The following RBMS1 variants were observed in gnomAD, a reference collection of about 807,000 sequenced individuals.
RBMS1 encodes RNA-binding motif, single-stranded-interacting protein 1.
A neutral mutation model predicts 62.3 loss-of-function variants in RBMS1; 17 were observed. The ratio of observed to expected loss-of-function variants is 0.27; its 90% confidence interval spans 0.19 to 0.41. The LOEUF (loss-of-function observed/expected upper bound fraction) is 0.41. RBMS1 is among the 10% of genes least tolerant of loss of function. The probability of loss-of-function intolerance (pLI) is 1.00; values close to 1 mark genes in which losing one functional copy is unlikely to be tolerated. For synonymous variants in RBMS1, 172 were observed against 170.0 expected (o/e 1.01, Z -0.09); for missense variants, 334 against 504.5 (o/e 0.66, Z 3.24).
At chr2:160,420,657 A>G (rs961901347) in intron 1 of RBMS1, among the ~76,000 whole-genome samples, 3 of 152,164 alleles carry the variant, frequency 2.0e-5, no homozygotes, top group Non-Finnish European at 4.4e-5. Flanking sequence ...AGCTCACCTG[A>G]GGATTATGAT....
At chr2:160,345,204 G>C (rs573983498) in intron 2 of RBMS1, among the ~76,000 whole-genome samples, 99 of 152,090 alleles carry the variant, frequency 6.5e-4, no homozygotes, top group Non-Finnish European at 1.2e-3. Context: ...CTAGAGACTA[G>C]TAGACAGAAA....
chr2:160,276,371 A>C (rs80215331), intron 12 of RBMS1, among the ~76,000 whole-genome samples: 1,713 of 148,032 alleles, frequency 0.012, 43 homozygotes, highest in African/African-American at 0.042. Flanking sequence ...ACCACCACCA[A>C]CACCTACTAC....
intron 6 of RBMS1, among the ~76,000 whole-genome samples, chr2:160,293,556 A>T (rs1030683294): frequency 6.6e-6 from 1 of 152,232 alleles, no homozygotes; most frequent in Non-Finnish European, 1.5e-5. Context: ...CCCTGCCCTT[A>T]GCACACAGGG....
At chr2:160,351,190 G>T (rs536426012) in intron 2 of RBMS1, among the ~76,000 whole-genome samples, 2 of 151,020 alleles carry the variant, frequency 1.3e-5, no homozygotes, top group South Asian at 2.1e-4. Context: ...GTAGGGGGAG[G>T]GGGGAGGGAA....
intron 1 of RBMS1, among the ~76,000 whole-genome samples, chr2:160,435,436 C>T (rs190631076): frequency 7.9e-5 from 12 of 152,284 alleles, no homozygotes; most frequent in Admixed American, 2.6e-4. Context: ...AAAGGTGACC[C>T]GAACATCAGT....
intron 6 of RBMS1, among the ~76,000 whole-genome samples, chr2:160,298,498 CA>C (rs1689054653): frequency 6.6e-6 from 1 of 151,984 alleles, no homozygotes; most frequent in South Asian, 2.1e-4. Context: ...GAATTCAAGG[CA>C]ACACTAACAA....
intron 2 of RBMS1, among the ~76,000 whole-genome samples, chr2:160,352,056 G>A (rs1559427324): frequency 6.6e-6 from 1 of 152,120 alleles, no homozygotes; most frequent in East Asian, 1.9e-4. Context: ...ATCCTGCAGA[G>A]CTGCTAATGT....
intron 1 of RBMS1, among the ~76,000 whole-genome samples, chr2:160,430,726 G>A (rs187490397): frequency 5.8e-4 from 88 of 152,208 alleles, no homozygotes; most frequent in Non-Finnish European, 9.3e-4. Flanking sequence ...CTCTAGCTGT[G>A]TTTTGATGTT....
chr2:160,451,158 G>GAAAAAAAAAAAA (rs71006607), intron 1 of RBMS1, among the ~76,000 whole-genome samples: 11 of 128,008 alleles, frequency 8.6e-5, no homozygotes, highest in Admixed American at 1.7e-4. Context: ...CCATGCTTCA[G>GAAAAAAAAAAAA]AAAAAAAAAA....
chr2:160,280,491 C>T lies in RBMS1; in HGVS notation c.951+823G>A, dbSNP rs938185396. On this transcript the variant is annotated intron_variant, in intron 10 of 13. Transcript: ENST00000348849. ...CGCAGTATCCACTTTAAAAGGTATC[C>T]GAAGACAAATTGCTGTCTGAACATA... Among the ~76,000 whole-genome samples, 6 of 152,198 alleles carry T rather than the reference C, an allele frequency of 3.9e-5. No individual in the cohort carries two copies. The East Asian group carries it at 7.7e-4, about 20-fold the overall frequency.
At chr2:160,285,092 T>C in intron 7 of RBMS1, 48 bp from the exon 8 acceptor site, 1 of 1,572,582 alleles carries the variant, frequency 6.4e-7, no homozygotes. Flanking sequence ...AAAGGCATGA[T>C]TTAAAAATTC....
In RBMS1 at chr2:160,423,152, T is replaced by A. The variant is rs895558542; in HGVS notation, c.76-55761A>T. 2.0e-5 allele frequency among the ~76,000 whole-genome samples: 3 copies of A among 152,212 alleles called. No homozygotes were observed. The South Asian group carries it at 6.2e-4, about 31-fold the overall frequency. Reference sequence around the variant, plus strand: ...GAACTTCTCTATAACATACCCTCACTTGACTTTCCCCAGCCCAACTTCTAT... The same window carrying A: ...GAACTTCTCTATAACATACCCTCACATGACTTTCCCCAGCCCAACTTCTAT... On this transcript the variant is annotated intron_variant, in intron 1 of 13. Transcript: ENST00000348849.
rs188676293 is a variant in RBMS1 at position 160,394,201 on chromosome 2, A to G, written c.76-26810T>C. 1.1e-3 allele frequency among the ~76,000 whole-genome samples: 175 copies of G among 152,310 alleles called. 4 individuals are homozygous for G. Among genetic ancestry groups the G allele is most frequent in the Admixed American group, 0.011 (173 of 15,306 alleles). ...AACAATTTAGTCTAGATTACCTATT[A>G]TAACAAAGGATGATCAAGTGGCCAT... On this transcript the variant is annotated intron_variant, in intron 1 of 13. Transcript: ENST00000348849.
At chr2:160,400,704 A>C (rs1695390385) in intron 1 of RBMS1, among the ~76,000 whole-genome samples, 1 of 152,222 alleles carries the variant, frequency 6.6e-6, no homozygotes, top group Admixed American at 6.5e-5. Context: ...AAAATGTTTC[A>C]AAAAGTACAG....
chr2:160,421,907 A>G (rs1696447139), intron 1 of RBMS1, among the ~76,000 whole-genome samples: 1 of 152,212 alleles, frequency 6.6e-6, no homozygotes, highest in Admixed American at 6.5e-5. Flanking sequence ...AGGGATGATG[A>G]GCATTTTTTC....
chr2:160,295,862 C>T (rs1688908899), intron 6 of RBMS1, among the ~76,000 whole-genome samples: 1 of 152,246 alleles, frequency 6.6e-6, no homozygotes, highest in Non-Finnish European at 1.5e-5. Flanking sequence ...TAGACTGATA[C>T]ACCATCAAAA....
chr2:160,374,169 G>C, intron 1 of RBMS1, among the ~76,000 whole-genome samples: 1 of 152,116 alleles, frequency 6.6e-6, no homozygotes. Flanking sequence ...GAGACAAGAG[G>C]ATCACTTGAG....
intron 6 of RBMS1, 39 bp downstream of exon 6, chr2:160,300,612 A>C: frequency 6.4e-7 from 1 of 1,566,972 alleles, no homozygotes; most frequent in Non-Finnish European, 8.6e-7. Flanking sequence ...CATACATCAT[A>C]TAGAAGACTA....
chr2:160,462,988 A>G (rs561550638), intron 1 of RBMS1, among the ~76,000 whole-genome samples: 1 of 152,350 alleles, frequency 6.6e-6, no homozygotes, highest in East Asian at 1.9e-4. Context: ...AAGGCAGTCT[A>G]ACATTTGTTA....
Sources: gnomAD v4.1 joint callset for allele counts (sites outside exome capture counted in the v4.1 genomes callset) on GRCh38, gnomAD v4.1.1 for gene constraint, MANE v1.5 for transcripts, NCBI Gene and HGNC (gene_info 2026-07-23, HGNC 2026-07-21) for gene names.